CYP19A1: variants seen among roughly 807,000 people sequenced by gnomAD.
CYP19A1 encodes the protein cytochrome P450 family 19 subfamily A member 1.
Under a neutral mutation model 44.4 loss-of-function variants are expected in CYP19A1, and 32 were observed. The observed-to-expected ratio is 0.72, with a 90% confidence interval of 0.54 to 0.97. The LOEUF (loss-of-function observed/expected upper bound fraction) is 0.97. CYP19A1 is among the 50% of genes least tolerant of loss of function. CYP19A1 has a pLI of 0.00. For missense variants in CYP19A1, 598 were observed against 637.8 expected (o/e 0.94, Z 0.67); for synonymous variants, 212 against 215.6 (o/e 0.98, Z 0.14).
Position 51,298,704 on chromosome 15 carries a change from G to A in CYP19A1, c.-39+39791C>T, listed in dbSNP as rs146452596. Among the ~76,000 whole-genome samples, 99 of 152,332 alleles carry A rather than the reference G, an allele frequency of 6.5e-4. No individual in the cohort carries two copies. In the East Asian group the frequency reaches 0.015, roughly 23 times the overall value. On this transcript the variant is annotated intron_variant, in intron 1 of 9. Transcript: ENST00000396402. ...GTTTAGCATTTGCTTCTGAGGCTCC[G>A]AATTTCCTGGCTTTCTGAGGAACTC...
chr15:51,222,726 T>A (rs1171477882), intron 4 of CYP19A1, among the ~76,000 whole-genome samples: 1 of 152,256 alleles, frequency 6.6e-6, no homozygotes, highest in African/African-American at 2.4e-5. Context: ...TGGTTAAGAA[T>A]GAATGAACGG....
intron 1 of CYP19A1, among the ~76,000 whole-genome samples, chr15:51,274,948 C>T (rs897064165): frequency 6.6e-6 from 1 of 152,146 alleles, no homozygotes; most frequent in Admixed American, 6.5e-5. Context: ...CATCTCACCC[C>T]CACTCTCAGG....
chr15:51,242,720 T>C (rs2033843024), intron 2 of CYP19A1, 48 bp downstream of exon 2: 4 of 1,277,486 alleles, frequency 3.1e-6, no homozygotes, highest in Non-Finnish European at 4.6e-6. Flanking sequence ...TGGACCAAAA[T>C]CCCAAGTAAA....
chr15:51,255,623 C>T (rs2034484384), intron 1 of CYP19A1: 1 of 152,160 alleles, frequency 6.6e-6, no homozygotes. Flanking sequence ...GGAAACTGTC[C>T]ATGATGCCCA....
At chr15:51,266,308 A>C (rs2034915782) in intron 1 of CYP19A1, among the ~76,000 whole-genome samples, 2 of 152,242 alleles carry the variant, frequency 1.3e-5, no homozygotes, top group Non-Finnish European at 2.9e-5. Flanking sequence ...CTAAGAGGTT[A>C]AACTATGTAC....
intron 1 of CYP19A1, among the ~76,000 whole-genome samples, chr15:51,315,578 T>C (rs1413218497): frequency 6.6e-6 from 1 of 152,216 alleles, no homozygotes. Flanking sequence ...CTAAACCCAG[T>C]GCCAGGCTCA....
intron 1 of CYP19A1, among the ~76,000 whole-genome samples, chr15:51,266,340 G>A (rs2034916932): frequency 1.3e-5 from 2 of 152,226 alleles, no homozygotes; most frequent in Admixed American, 6.5e-5. Context: ...CAGCTAATTA[G>A]TGACAGAGTT....
At chr15:51,316,288 A>C (rs1434026879) in intron 1 of CYP19A1, among the ~76,000 whole-genome samples, 3 of 152,212 alleles carry the variant, frequency 2.0e-5, no homozygotes, top group Admixed American at 1.3e-4. Flanking sequence ...CAGGAGTTCA[A>C]GACCAGCCTG....
At chr15:51,246,656 G>A (rs141391201) in intron 1 of CYP19A1, among the ~76,000 whole-genome samples, 76 of 152,310 alleles carry the variant, frequency 5.0e-4, no homozygotes, top group African/African-American at 1.7e-3. Context: ...ACAGTGCCAC[G>A]AAGGACTCCC....
chr15:51,299,855 A>C (rs2036076543), intron 1 of CYP19A1, among the ~76,000 whole-genome samples: 1 of 152,202 alleles, frequency 6.6e-6, no homozygotes, highest in African/African-American at 2.4e-5. Context: ...AGTCCAGAAG[A>C]GGGCACACTG....
At chr15:51,325,424 A>G (rs1385027718) in intron 1 of CYP19A1, among the ~76,000 whole-genome samples, 1 of 152,202 alleles carries the variant, frequency 6.6e-6, no homozygotes, top group Non-Finnish European at 1.5e-5. Context: ...CTCTTGGGCT[A>G]GCAGAGTATG....
intron 1 of CYP19A1, among the ~76,000 whole-genome samples, chr15:51,331,959 A>G (rs1035732596): frequency 2.0e-5 from 3 of 151,724 alleles, no homozygotes; most frequent in African/African-American, 4.8e-5. Context: ...ACACACATAC[A>G]TATATATATA....
intron 1 of CYP19A1, among the ~76,000 whole-genome samples, chr15:51,258,661 C>T (rs1184896057): frequency 6.6e-6 from 1 of 152,174 alleles, no homozygotes; most frequent in Non-Finnish European, 1.5e-5. Flanking sequence ...CTTCCCCCAT[C>T]TATTCCCTCC....
intron 1 of CYP19A1, among the ~76,000 whole-genome samples, chr15:51,282,549 G>A (rs538878872): frequency 1.3e-3 from 204 of 152,278 alleles, no homozygotes; most frequent in African/African-American, 4.7e-3. Context: ...TGGGCTTCCA[G>A]AGCTCAGGGC....
At chr15:51,323,776 G>C (rs980888501) in intron 1 of CYP19A1, 1 of 152,132 alleles carries the variant, frequency 6.6e-6, no homozygotes, top group African/African-American at 2.4e-5. Flanking sequence ...TTCCCTTCCA[G>C]CCTTCCCATA....
chr15:51,214,358 T>C lies in CYP19A1; in HGVS notation c.1021+712A>G, dbSNP rs1469508623. ...AAGCAGAGACAGAGTAGTGAGGCGGTAGAGTTGGAGAAGACCTGAGTGTGG... is the reference window on the plus strand; with the variant it reads ...AAGCAGAGACAGAGTAGTGAGGCGGCAGAGTTGGAGAAGACCTGAGTGTGG... On this transcript the variant is annotated intron_variant, in intron 8 of 9. Transcript: ENST00000396402. Among the ~76,000 whole-genome samples the C allele has an allele frequency of 3.3e-5, 5 of 152,136 alleles. No individual in the cohort carries two copies. The South Asian group carries it at 1.0e-3, about 32-fold the overall frequency.
At chr15:51,330,748 A>C (rs1318202872) in intron 1 of CYP19A1, among the ~76,000 whole-genome samples, 1 of 152,228 alleles carries the variant, frequency 6.6e-6, no homozygotes, top group Non-Finnish European at 1.5e-5. Context: ...AAGTAGGAGG[A>C]AAACCAAGAG....
intron 1 of CYP19A1, among the ~76,000 whole-genome samples, chr15:51,331,614 G>T (rs1340855285): frequency 6.6e-6 from 1 of 152,032 alleles, no homozygotes; most frequent in African/African-American, 2.4e-5. Context: ...TGGATAGAAT[G>T]GGGGCGAGTT....
intron 1 of CYP19A1, among the ~76,000 whole-genome samples, chr15:51,300,586 G>T (rs539682350): frequency 2.6e-5 from 4 of 152,030 alleles, no homozygotes. Context: ...CTCCCACCAC[G>T]CCTGCCAGGC....
Sources: gnomAD v4.1 joint callset for allele counts (sites outside exome capture counted in the v4.1 genomes callset) on GRCh38, gnomAD v4.1.1 for gene constraint, MANE v1.5 for transcripts, NCBI Gene and HGNC (gene_info 2026-07-23, HGNC 2026-07-21) for gene names.